The following SULT1B1 variants were observed in gnomAD, a reference collection of about 807,000 sequenced individuals.
SULT1B1 encodes sulfotransferase 1B1.
In SULT1B1, 28 loss-of-function variants were observed where a neutral mutation model predicts 34.6. That is an observed-to-expected ratio of 0.81 (90% CI 0.60 to 1.11). SULT1B1 has a LOEUF of 1.11. Ranked by LOEUF, SULT1B1 falls within the 50% of genes least tolerant of loss-of-function variation. The pLI is 0.00. For missense variants in SULT1B1, 374 were observed against 352.2 expected (o/e 1.06, Z -0.50); for synonymous variants, 147 against 110.2 (o/e 1.33, Z -2.09).
chr4:69,756,814 T>C (rs1441073814), intron 1 of SULT1B1, among the ~76,000 whole-genome samples: 2 of 152,150 alleles, frequency 1.3e-5, no homozygotes, highest in African/African-American at 4.8e-5. Flanking sequence ...ACAGGAAGAA[T>C]TCCTCTTTAC....
intron 3 of SULT1B1, among the ~76,000 whole-genome samples, chr4:69,752,536 A>G (rs1719019567): frequency 6.6e-6 from 1 of 152,222 alleles, no homozygotes; most frequent in Non-Finnish European, 1.5e-5. Context: ...TAAGTAAAAT[A>G]ATAATATTTA....
In SULT1B1 at chr4:69,726,457, T is replaced by A. The variant is rs1002846110; in HGVS notation, c.*631A>T. On this transcript the variant is annotated 3_prime_UTR_variant, in exon 8 of 8. Coordinates refer to ENST00000310613, the MANE Select transcript of SULT1B1 (RefSeq NM_014465.4). ...AGAGCTCCAGTTCCCAGGTAACCAA[T>A]CCTACAGAGACTATTGTAGGCGTTT... 51 of 152,010 alleles carry A rather than the reference T, an allele frequency of 3.4e-4. 1 individual carries two copies. Among genetic ancestry groups the A allele is most frequent in the Admixed American group, 2.9e-3 (44 of 15,226 alleles). 9.4% of individuals were successfully genotyped at this position (152,010 alleles called of 1,614,324 possible).
At chr4:69,740,662 T>G (rs78432558) in intron 4 of SULT1B1, among the ~76,000 whole-genome samples, 4,118 of 152,312 alleles carry the variant, frequency 0.027, 88 homozygotes, top group Non-Finnish European at 0.039. Flanking sequence ...GTAGAACAAT[T>G]TATATGCCTT....
intron 4 of SULT1B1, among the ~76,000 whole-genome samples, chr4:69,736,822 GAATA>G (rs1431796344): frequency 1.3e-5 from 2 of 151,820 alleles, no homozygotes; most frequent in Non-Finnish European, 1.5e-5. Context: ...AGAGAAAATA[GAATA>G]AAGACAATAA....
chr4:69,760,275 A>G (rs1719341850), intron 1 of SULT1B1, 184 bp downstream of exon 1: 8 of 962,336 alleles, frequency 8.3e-6, no homozygotes, highest in Non-Finnish European at 9.9e-6. Context: ...ATAAAATTGA[A>G]CATTGAAAGC....
intron 3 of SULT1B1, among the ~76,000 whole-genome samples, chr4:69,751,741 C>T (rs376059159): frequency 8.5e-5 from 13 of 152,276 alleles, no homozygotes; most frequent in South Asian, 8.3e-4. Flanking sequence ...CGTGAGCCAC[C>T]GCGCCCGGCC....
chr4:69,725,122 T>C lies in SULT1B1; in HGVS notation c.*1966A>G, dbSNP rs1250029499. On this transcript the variant is annotated 3_prime_UTR_variant, in exon 8 of 8. Transcript: ENST00000310613. ...GGAGAAAATTTTTGCAATCTACTCA[T>C]CTGACAAAGGGCTAATATCCAGAAT... The C allele has an allele frequency of 2.0e-5, 3 of 151,692 alleles. No individual in the cohort carries two copies. The highest frequency in any genetic ancestry group is 4.4e-5 in the Non-Finnish European group (3 of 67,984). 9.4% of individuals were successfully genotyped at this position (151,692 alleles called of 1,614,324 possible).
At chr4:69,758,493 A>G (rs1719274416) in intron 1 of SULT1B1, 1 of 984,216 alleles carries the variant, frequency 1.0e-6, no homozygotes, top group Non-Finnish European at 1.2e-6. Flanking sequence ...AAATTATCTA[A>G]AGGGAAATAT....
At chr4:69,746,294 A>T (rs747648265) in intron 4 of SULT1B1, among the ~76,000 whole-genome samples, 1 of 152,126 alleles carries the variant, frequency 6.6e-6, no homozygotes, top group Non-Finnish European at 1.5e-5. Context: ...ATATCCTCAG[A>T]TATGTTTTCC....
intron 4 of SULT1B1, among the ~76,000 whole-genome samples, chr4:69,737,573 T>C (rs918391341): frequency 2.0e-5 from 3 of 152,190 alleles, no homozygotes; most frequent in African/African-American, 7.2e-5. Flanking sequence ...AATACGGAGA[T>C]AGTAAAGGGG....
chr4:69,752,461 CTT>C (rs1230501817), intron 3 of SULT1B1, among the ~76,000 whole-genome samples: 1 of 152,090 alleles, frequency 6.6e-6, no homozygotes, highest in Admixed American at 6.5e-5. Context: ...ATAAATGCCA[CTT>C]AAGTGTTTAA....
chr4:69,735,936 A>G (rs1408380238), intron 4 of SULT1B1, among the ~76,000 whole-genome samples: 1 of 152,162 alleles, frequency 6.6e-6, no homozygotes, highest in Non-Finnish European at 1.5e-5. Context: ...ATATCACTAA[A>G]ACAGCCACTG....
At chr4:69,756,399 C>T (rs1211269414) in intron 1 of SULT1B1, among the ~76,000 whole-genome samples, 1 of 152,020 alleles carries the variant, frequency 6.6e-6, no homozygotes, top group Non-Finnish European at 1.5e-5. Context: ...GACATTTGGC[C>T]AAACACTACT....
At chr4:69,757,323 G>T (rs945888919) in intron 1 of SULT1B1, among the ~76,000 whole-genome samples, 13 of 151,964 alleles carry the variant, frequency 8.6e-5, no homozygotes, top group African/African-American at 3.1e-4. Flanking sequence ...AGATGAAATC[G>T]CATTGCTTCT....
chr4:69,754,205 C>T (rs899741185), intron 3 of SULT1B1, among the ~76,000 whole-genome samples: 1 of 152,146 alleles, frequency 6.6e-6, no homozygotes, highest in African/African-American at 2.4e-5. Context: ...CCCTGTGATA[C>T]AATATACAAT....
chr4:69,732,088 T>C (rs2110017872), intron 6 of SULT1B1, among the ~76,000 whole-genome samples: 1 of 152,348 alleles, frequency 6.6e-6, no homozygotes, highest in Non-Finnish European at 1.5e-5. Context: ...TACCTCCGGC[T>C]AAACAAACTC....
chr4:69,749,187 G>A (rs918603346), intron 4 of SULT1B1, among the ~76,000 whole-genome samples: 26 of 152,074 alleles, frequency 1.7e-4, no homozygotes, highest in African/African-American at 2.2e-4. Flanking sequence ...TCCTGCAGCC[G>A]TTAAAATAAT....
chr4:69,743,642 C>A (rs1718636875), intron 4 of SULT1B1, among the ~76,000 whole-genome samples: 1 of 152,204 alleles, frequency 6.6e-6, no homozygotes, highest in Non-Finnish European at 1.5e-5. Flanking sequence ...CCAGCTTCGA[C>A]CTGCCCTCAG....
intron 1 of SULT1B1, among the ~76,000 whole-genome samples, chr4:69,757,807 T>C (rs1361912791): frequency 6.6e-6 from 1 of 152,156 alleles, no homozygotes; most frequent in Non-Finnish European, 1.5e-5. Context: ...TGAAAATTAA[T>C]AAAATAAGTT....
Sources: gnomAD v4.1 joint callset for allele counts (sites outside exome capture counted in the v4.1 genomes callset) on GRCh38, gnomAD v4.1.1 for gene constraint, MANE v1.5 for transcripts, NCBI Gene and HGNC (gene_info 2026-07-23, HGNC 2026-07-21) for gene names.